BRD10: variants seen among roughly 807,000 people sequenced by gnomAD.
The protein encoded by BRD10 is bromodomain containing 10, also known as uncharacterized bromodomain-containing protein 10.
chr9:5,946,644 C>T, the BRD10 span, among the ~76,000 whole-genome samples: 3 of 141,092 alleles, frequency 2.1e-5, no homozygotes, highest in Admixed American at 7.3e-5. Context: ...GATGGCTATA[C>T]CTCTTTCACC....
At chr9:5,957,373 T>C in the BRD10 span, among the ~76,000 whole-genome samples, 3 of 152,270 alleles carry the variant, frequency 2.0e-5, no homozygotes, top group African/African-American at 7.2e-5. Flanking sequence ...TAAGTTACCA[T>C]TTATTGATTC....
the BRD10 span, among the ~76,000 whole-genome samples, chr9:5,935,743 G>C: frequency 5.3e-5 from 8 of 152,176 alleles, no homozygotes; most frequent in Non-Finnish European, 1.2e-4. Flanking sequence ...GGAAATATTT[G>C]AAAAGCAGGG....
the BRD10 span, chr9:5,988,427 C>A: frequency 2.5e-6 from 4 of 1,613,936 alleles, no homozygotes; most frequent in Non-Finnish European, 3.4e-6. Flanking sequence ...CTTGTCAAGC[C>A]TGCCAAACTT....
At chr9:6,000,304 T>G in the BRD10 span, among the ~76,000 whole-genome samples, 1 of 152,084 alleles carries the variant, frequency 6.6e-6, no homozygotes, top group African/African-American at 2.4e-5. Context: ...CCTTTCCCAA[T>G]TAAAAAGAAA....
At chr9:5,880,532 A>G in the BRD10 span, among the ~76,000 whole-genome samples, 1 of 151,920 alleles carries the variant, frequency 6.6e-6, no homozygotes, top group Admixed American at 6.5e-5. Flanking sequence ...AAACAAAAAC[A>G]AAAAACAAAC....
chr9:5,992,070 C>T, the BRD10 span, among the ~76,000 whole-genome samples: 2 of 152,206 alleles, frequency 1.3e-5, no homozygotes, highest in African/African-American at 2.4e-5. Flanking sequence ...ATCTGAAAGA[C>T]CTTCCCTAAC....
At chr9:5,945,698 T>C in the BRD10 span, among the ~76,000 whole-genome samples, 1 of 152,058 alleles carries the variant, frequency 6.6e-6, no homozygotes, top group African/African-American at 2.4e-5. Context: ...AACAAAAATA[T>C]TAGTAACTAC....
chr9:5,937,232 A>G, the BRD10 span, among the ~76,000 whole-genome samples: 442 of 150,876 alleles, frequency 2.9e-3, 3 homozygotes, highest in African/African-American at 0.01. Flanking sequence ...CTGCCTCAAA[A>G]AAAAAAAAAA....
chr9:5,953,175 T>A, the BRD10 span, among the ~76,000 whole-genome samples: 2 of 152,270 alleles, frequency 1.3e-5, no homozygotes, highest in South Asian at 2.1e-4. Flanking sequence ...TTCATAGCTA[T>A]TGTCCCTTTA....
the BRD10 span, among the ~76,000 whole-genome samples, chr9:5,885,392 T>C: frequency 4.6e-5 from 7 of 151,704 alleles, no homozygotes; most frequent in South Asian, 1.5e-3. Context: ...TTTTTTTTTT[T>C]TCAGTTTCAC....
At chr9:5,984,609 A>C in the BRD10 span, among the ~76,000 whole-genome samples, 1 of 152,212 alleles carries the variant, frequency 6.6e-6, no homozygotes, top group Non-Finnish European at 1.5e-5. Context: ...GCACAGTTTC[A>C]AATTACATGA....
the BRD10 span, among the ~76,000 whole-genome samples, chr9:5,994,451 T>G: frequency 0.014 from 2,141 of 152,278 alleles, 44 homozygotes; most frequent in African/African-American, 0.043. Flanking sequence ...AAAAAGCACT[T>G]ATTAAAGACC....
chr9:5,892,064 G>T, the BRD10 span, among the ~76,000 whole-genome samples: 1 of 152,220 alleles, frequency 6.6e-6, no homozygotes, highest in African/African-American at 2.4e-5. Flanking sequence ...GTTAGCCACA[G>T]CCCTGGGCCA....
the BRD10 span, among the ~76,000 whole-genome samples, chr9:5,973,981 T>A: frequency 6.6e-6 from 1 of 152,164 alleles, no homozygotes; most frequent in East Asian, 1.9e-4. Flanking sequence ...TGGTGATAGT[T>A]GAAGACATAA....
chr9:5,895,396 T>A, the BRD10 span, among the ~76,000 whole-genome samples: 6 of 151,890 alleles, frequency 4.0e-5, no homozygotes, highest in South Asian at 2.1e-4. Context: ...TTTTTTTTTT[T>A]AATTTTTTTG....
the BRD10 span, chr9:5,913,879 C>A: frequency 3.2e-6 from 1 of 313,596 alleles, no homozygotes; most frequent in South Asian, 2.7e-5. Flanking sequence ...TCTTTGTAGT[C>A]TAAAAATGCA....
chr9:5,912,071 A>G, the BRD10 span, among the ~76,000 whole-genome samples: 20 of 151,946 alleles, frequency 1.3e-4, no homozygotes, highest in Non-Finnish European at 2.5e-4. Flanking sequence ...TCTTTCTTCA[A>G]TGTTTTAGTT....
chr9:5,944,759 G>C, the BRD10 span: 1 of 525,954 alleles, frequency 1.9e-6, no homozygotes. Context: ...TATCTTTCAT[G>C]GTAAATTTTC....
chr9:5,921,881 G>GT, the BRD10 span: 1 of 1,613,982 alleles, frequency 6.2e-7, no homozygotes, highest in Non-Finnish European at 8.5e-7. Context: ...GTGGCCTAAT[G>GT]TAAGTTTGAG....
Sources: allele counts gnomAD v4.1 joint callset (sites outside exome capture counted in the v4.1 genomes callset), GRCh38; gene constraint gnomAD v4.1.1; transcripts MANE v1.5; gene names NCBI Gene and HGNC (gene_info 2026-07-23, HGNC 2026-07-21).